The following LRMDA variants were observed in gnomAD, a reference collection of about 807,000 sequenced individuals.
LRMDA encodes the protein leucine-rich melanocyte differentiation-associated protein.
A neutral mutation model predicts 29.8 loss-of-function variants in LRMDA; 18 were observed. The ratio of observed to expected loss-of-function variants is 0.60; its 90% CI spans 0.42 to 0.90. The LOEUF (loss-of-function observed/expected upper bound fraction) is 0.90, where lower values mean the gene tolerates loss of function less well. Ranked by LOEUF, LRMDA falls within the 40% of genes least tolerant of loss-of-function variation. The pLI, the probability that LRMDA is intolerant of heterozygous loss-of-function variation, is 0.00. For synonymous variants in LRMDA, 125 were observed against 109.4 expected (o/e 1.14, Z -0.89); for missense variants, 273 against 273.9 (o/e 1.00, Z 0.02).
At chr10:76,177,786 G>T (rs1292998015) in intron 5 of LRMDA, among the ~76,000 whole-genome samples, 2 of 152,214 alleles carry the variant, frequency 1.3e-5, no homozygotes, top group African/African-American at 4.8e-5. Context: ...ACCAGCATAG[G>T]TTGAATGTCT....
At chr10:76,518,319 C>CTATCTATT (rs1554825386) in intron 6 of LRMDA, among the ~76,000 whole-genome samples, 81 of 150,982 alleles carry the variant, frequency 5.4e-4, no homozygotes, top group South Asian at 2.3e-3. Flanking sequence ...ATCTATCTAT[C>CTATCTATT]TATCTATCAT....
intron 5 of LRMDA, among the ~76,000 whole-genome samples, chr10:76,218,792 A>C (rs1433239218): frequency 6.6e-6 from 1 of 152,106 alleles, no homozygotes; most frequent in South Asian, 2.1e-4. Context: ...ACTGCAAAAA[A>C]CAGCAAGAGA....
intron 2 of LRMDA, among the ~76,000 whole-genome samples, chr10:75,723,024 G>A (rs781065010): frequency 3.9e-5 from 6 of 152,194 alleles, no homozygotes; most frequent in Non-Finnish European, 8.8e-5. Flanking sequence ...TGTCAATTTA[G>A]TCTTCTATTG....
chr10:75,826,506 C>G (rs1844248952), intron 2 of LRMDA, among the ~76,000 whole-genome samples: 2 of 152,158 alleles, frequency 1.3e-5, no homozygotes, highest in Admixed American at 1.3e-4. Flanking sequence ...CGGCCTGACA[C>G]TCCTAATTGG....
intron 2 of LRMDA, among the ~76,000 whole-genome samples, chr10:75,771,373 A>G (rs1369692340): frequency 1.3e-5 from 2 of 152,062 alleles, no homozygotes; most frequent in East Asian, 3.9e-4. Context: ...TACATAGGCT[A>G]GTAAGAAAAG....
chr10:76,031,242 T>A (rs975652657), intron 2 of LRMDA, among the ~76,000 whole-genome samples: 1 of 152,094 alleles, frequency 6.6e-6, no homozygotes, highest in Non-Finnish European at 1.5e-5. Context: ...ATTTACCTAC[T>A]GAAGGAAGTA....
intron 2 of LRMDA, among the ~76,000 whole-genome samples, chr10:75,762,240 G>A (rs1425408555): frequency 6.6e-6 from 1 of 152,174 alleles, no homozygotes; most frequent in African/African-American, 2.4e-5. Flanking sequence ...ACCATGTTTT[G>A]TTTTTCCTGT....
At chr10:75,624,118 C>G (rs1841221302) in intron 2 of LRMDA, among the ~76,000 whole-genome samples, 2 of 152,142 alleles carry the variant, frequency 1.3e-5, no homozygotes, top group South Asian at 4.1e-4. Context: ...GAATTTAGCC[C>G]TGTTCCTATC....
chr10:75,725,230 ATTG>A (rs940138844), intron 2 of LRMDA, among the ~76,000 whole-genome samples: 4 of 152,150 alleles, frequency 2.6e-5, no homozygotes, highest in Non-Finnish European at 5.9e-5. Flanking sequence ...TGCCACTTTT[ATTG>A]TTGTTCTTTC....
chr10:76,506,828 T>C (rs1842964052), intron 6 of LRMDA, among the ~76,000 whole-genome samples: 1 of 152,026 alleles, frequency 6.6e-6, no homozygotes, highest in Non-Finnish European at 1.5e-5. Context: ...GAATATTCCA[T>C]TGTGCGTATA....
chr10:75,738,699 G>A (rs759442999), intron 2 of LRMDA, among the ~76,000 whole-genome samples: 2 of 152,168 alleles, frequency 1.3e-5, no homozygotes, highest in African/African-American at 2.4e-5. Context: ...AGTGCCCCAC[G>A]TTTGCCTGTC....
At chr10:76,460,592 G>A (rs1314492089) in intron 6 of LRMDA, among the ~76,000 whole-genome samples, 10 of 152,300 alleles carry the variant, frequency 6.6e-5, no homozygotes, top group African/African-American at 1.7e-4. Context: ...AGTAAAAGTC[G>A]TAATAGCAAG....
chr10:75,785,394 A>G (rs1165513641), intron 2 of LRMDA, among the ~76,000 whole-genome samples: 4 of 152,294 alleles, frequency 2.6e-5, no homozygotes, highest in African/African-American at 9.6e-5. Flanking sequence ...CCCAGGGTGG[A>G]GATGTAAGAC....
intron 1 of LRMDA, among the ~76,000 whole-genome samples, chr10:75,434,773 G>A (rs915215201): frequency 5.9e-5 from 9 of 152,114 alleles, no homozygotes; most frequent in South Asian, 2.1e-4. Flanking sequence ...ATTTAAAATC[G>A]AGGATCTCCC....
chr10:75,603,179 G>GT lies in LRMDA; in HGVS notation c.131+164700dup, dbSNP rs397972323. On this transcript the variant is annotated intron_variant, in intron 2 of 6. Transcript: ENST00000611255. ...TGGATATAGTCAGCCTCATCTTAAA[G>GT]TTTTTTTTTTTTTTTAAGTCAGTAT... is the stretch of plus-strand genomic sequence containing the variant. Among the ~76,000 whole-genome samples the GT allele has an allele frequency of 6.4e-3, 917 of 143,304 alleles. 1 individual carries two copies. The highest frequency in any genetic ancestry group is 7.9e-3 in the African/African-American group (316 of 39,968). The allele number at this position is 143,304 out of a possible 152,430, so 94.0% of individuals were successfully genotyped here. A position where few individuals can be genotyped will look rare whatever the true frequency, so the allele number is the denominator to read the frequency against.
chr10:76,027,260 C>T (rs1052583595), intron 2 of LRMDA, among the ~76,000 whole-genome samples: 6 of 152,166 alleles, frequency 3.9e-5, no homozygotes, highest in African/African-American at 1.4e-4. Context: ...ATCAGATTTG[C>T]TTCTGTGGTG....
At chr10:76,536,446 G>A (rs768222704) in intron 6 of LRMDA, among the ~76,000 whole-genome samples, 10 of 152,058 alleles carry the variant, frequency 6.6e-5, no homozygotes, top group Non-Finnish European at 4.4e-5. Flanking sequence ...TCCGGGGGTC[G>A]ATCCAGCAAT....
chr10:75,958,868 C>T (rs1347783892), intron 2 of LRMDA, among the ~76,000 whole-genome samples: 1 of 152,154 alleles, frequency 6.6e-6, no homozygotes, highest in African/African-American at 2.4e-5. Flanking sequence ...AGGTGAAAGG[C>T]ACATCGTACA....
chr10:75,659,093 G>T (rs918264082), intron 2 of LRMDA, among the ~76,000 whole-genome samples: 7 of 152,364 alleles, frequency 4.6e-5, no homozygotes, highest in African/African-American at 1.4e-4. Context: ...TCTTTGCTGA[G>T]GCCAGCCTGG....
Sources: gnomAD v4.1 joint callset for allele counts (sites outside exome capture counted in the v4.1 genomes callset) on GRCh38, gnomAD v4.1.1 for gene constraint, MANE v1.5 for transcripts, NCBI Gene and HGNC (gene_info 2026-07-23, HGNC 2026-07-21) for gene names.